The following CDK5RAP2 variants were observed in gnomAD, a reference collection of about 807,000 sequenced individuals.
CDK5RAP2 encodes the protein CDK5 regulatory subunit-associated protein 2.
In CDK5RAP2, 147 loss-of-function variants were observed where a neutral mutation model predicts 232.9. The ratio of observed to expected loss-of-function variants is 0.63; its 90% CI spans 0.55 to 0.72. CDK5RAP2 has a LOEUF of 0.72. Among genes scored for constraint, CDK5RAP2 ranks in the 30% least tolerant of loss-of-function variants. The pLI is 0.00. For missense variants in CDK5RAP2, 2,195 were observed against 2,231.5 expected (o/e 0.98, Z 0.33); for synonymous variants, 833 against 833.7 (o/e 1.00, Z 0.01).
intron 15 of CDK5RAP2, among the ~76,000 whole-genome samples, 198 bp from the exon 16 acceptor site, chr9:120,472,076 AAC>A (rs2037739327): frequency 6.6e-6 from 1 of 152,208 alleles, no homozygotes; most frequent in Non-Finnish European, 1.5e-5. Flanking sequence ...ACTACCAACT[AAC>A]ACACGGCAGA....
At chr9:120,527,692 A>T in intron 10 of CDK5RAP2, 114 bp downstream of exon 10, 1 of 1,199,310 alleles carries the variant, frequency 8.3e-7, no homozygotes, top group Non-Finnish European at 1.2e-6. Flanking sequence ...CCCACTTTCT[A>T]TACTACCTCA....
intron 8 of CDK5RAP2, 188 bp from the exon 9 acceptor site, chr9:120,528,985 G>T (rs2041028532): frequency 4.8e-6 from 3 of 626,876 alleles, no homozygotes; most frequent in African/African-American, 1.8e-5. Flanking sequence ...GAAGAAAAAT[G>T]TGAAGACAAC....
intron 13 of CDK5RAP2, among the ~76,000 whole-genome samples, chr9:120,488,698 C>A (rs558295822): frequency 6.6e-6 from 1 of 152,324 alleles, no homozygotes; most frequent in East Asian, 1.9e-4. Context: ...TAATAATATC[C>A]CAATTTCAGT....
chr9:120,446,575 A>G (rs1229310343), intron 22 of CDK5RAP2, among the ~76,000 whole-genome samples: 3 of 152,144 alleles, frequency 2.0e-5, no homozygotes, highest in Non-Finnish European at 4.4e-5. Flanking sequence ...CTGCTGCTCA[A>G]AACCCTCCAA....
chr9:120,407,994 C>T (rs2033593687), intron 31 of CDK5RAP2: 3 of 327,204 alleles, frequency 9.2e-6, no homozygotes, highest in South Asian at 8.7e-5. Flanking sequence ...AATAAATGGT[C>T]TCATTCAATT....
At chr9:120,535,052 G>A (rs989596728) in intron 7 of CDK5RAP2, among the ~76,000 whole-genome samples, 1 of 152,222 alleles carries the variant, frequency 6.6e-6, no homozygotes, top group Non-Finnish European at 1.5e-5. Flanking sequence ...AAAACACAAG[G>A]TGTCAAATGG....
intron 11 of CDK5RAP2, among the ~76,000 whole-genome samples, chr9:120,520,793 T>G (rs2040601750): frequency 7.9e-6 from 1 of 126,196 alleles, no homozygotes; most frequent in Non-Finnish European, 1.7e-5. Flanking sequence ...GAGATATATC[T>G]CATATATCTC....
intron 15 of CDK5RAP2, among the ~76,000 whole-genome samples, chr9:120,474,255 C>A (rs937677625): frequency 2.6e-5 from 4 of 152,162 alleles, no homozygotes; most frequent in African/African-American, 9.7e-5. Flanking sequence ...CTAACAACTC[C>A]CATACAGAAG....
At chr9:120,549,255 A>G (rs2041965323) in intron 4 of CDK5RAP2, among the ~76,000 whole-genome samples, 1 of 152,224 alleles carries the variant, frequency 6.6e-6, no homozygotes, top group South Asian at 2.1e-4. Context: ...GGGTTTATAC[A>G]CATACACACA....
At chr9:120,397,975 G>A (rs765824092) in intron 35 of CDK5RAP2, among the ~76,000 whole-genome samples, 16 of 152,124 alleles carry the variant, frequency 1.1e-4, no homozygotes, top group African/African-American at 2.7e-4. Context: ...CTTTCCCCAC[G>A]CTGGATCCTT....
intron 22 of CDK5RAP2, 46 bp from the exon 23 acceptor site, chr9:120,443,788 ACCTGAAACTTAG>A: frequency 6.2e-7 from 1 of 1,611,810 alleles, no homozygotes; most frequent in Non-Finnish European, 8.5e-7. Flanking sequence ...AAACCGTAAG[ACCTGAAACTTAG>A]CCAAGCAACT....
In CDK5RAP2 at chr9:120,428,786, C is replaced by T. The variant is rs546128296; in HGVS notation, c.3956-6045G>A. Among the ~76,000 whole-genome samples the T allele has an allele frequency of 8.8e-3, 1,340 of 152,276 alleles. 10 individuals are homozygous for T. The highest frequency in any genetic ancestry group is 0.024 in the African/African-American group (990 of 41,540). On this transcript the variant is annotated intron_variant, in intron 25 of 37. Transcript: ENST00000349780. ...GCCAGCATCATCCTGATACCAAAGC[C>T]GGGCAGAGACACAGCCAAAAAAGAG...
chr9:120,447,961 G>C lies in CDK5RAP2; in HGVS notation c.2959C>G (p.Gln987Glu). Residue 987 changes from glutamine (Q) to glutamate (E), a missense_variant, in exon 22 of 38, where the codon CAA becomes GAA. Gln to Glu is a conservative substitution (Grantham distance 29). Transcript: ENST00000349780. Reference protein sequence around the residue: ...EFKTCNKQLHQKLILAEAVME... With the variant: ...EFKTCNKQLHEKLILAEAVME... ...ACTGCTTCAGCCAGAATTAACTTTT[G>C]GTGAAGTTGCTTATTACAAGTTTTA... is the stretch of plus-strand genomic sequence containing the variant. 1 of 1,614,090 alleles carries C rather than the reference G, an allele frequency of 6.2e-7. No individual in the cohort carries two copies. The highest frequency in any genetic ancestry group is 1.1e-5 in the South Asian group (1 of 91,068).
chr9:120,483,811 C>T (rs1186967267), intron 14 of CDK5RAP2, among the ~76,000 whole-genome samples: 4 of 152,156 alleles, frequency 2.6e-5, no homozygotes, highest in Admixed American at 2.0e-4. Flanking sequence ...GAAGGAAACA[C>T]ATGTAATGTG....
At chr9:120,391,603 C>G (rs2031985515) in intron 36 of CDK5RAP2, among the ~76,000 whole-genome samples, 2 of 152,218 alleles carry the variant, frequency 1.3e-5, no homozygotes, top group South Asian at 4.1e-4. Context: ...GGACCTGAGG[C>G]AGCTGGTTCC....
At chr9:120,408,135 C>A in intron 31 of CDK5RAP2, 1 of 613,202 alleles carries the variant, frequency 1.6e-6, no homozygotes, top group Non-Finnish European at 2.9e-6. Context: ...CGGACCTCGG[C>A]TGGCCTGGGT....
chr9:120,403,347 C>T lies in CDK5RAP2; in HGVS notation c.5042-276G>A, dbSNP rs1046823231. ...GAAGACCCCAGATTCACAAGGATGA[C>T]TCAAGCTGGTGCCTGCATTCCAGTA... On this transcript the variant is annotated intron_variant, in intron 33 of 37. Coordinates refer to ENST00000349780, the MANE Select transcript of CDK5RAP2 (RefSeq NM_018249.6). The surrounding 1 kb of genome is among the most constrained non-coding windows in gnomAD (Gnocchi z 4.2). 1 of 465,886 alleles carries T rather than the reference C, an allele frequency of 2.1e-6. No individual in the cohort carries two copies. 28.9% of individuals were successfully genotyped at this position (465,886 alleles called of 1,614,324 possible).
intron 15 of CDK5RAP2, among the ~76,000 whole-genome samples, chr9:120,474,012 G>T (rs1306399354): frequency 6.6e-6 from 1 of 152,196 alleles, no homozygotes; most frequent in Non-Finnish European, 1.5e-5. Flanking sequence ...GGGCAGACAG[G>T]AGCAGAAACA....
intron 15 of CDK5RAP2, 90 bp from the exon 16 acceptor site, chr9:120,471,968 T>A: frequency 1.3e-6 from 2 of 1,531,038 alleles, no homozygotes; most frequent in Non-Finnish European, 1.8e-6. Context: ...GATTTTTATG[T>A]CATTTGTGTT....
Sources: gnomAD v4.1 joint callset for allele counts (sites outside exome capture counted in the v4.1 genomes callset) on GRCh38, gnomAD v4.1.1 for gene constraint, Gnocchi (gnomAD v3.1) non-coding constraint, MANE v1.5 for transcripts, NCBI Gene and HGNC (gene_info 2026-07-23, HGNC 2026-07-21) for gene names.